The following BBS9 variants were observed in gnomAD, a reference collection of about 807,000 sequenced individuals.
The protein encoded by BBS9 is Bardet-Biedl syndrome 9.
Under a neutral mutation model 117.7 loss-of-function variants are expected in BBS9, and 89 were observed. That is an observed-to-expected ratio of 0.76 (90% CI 0.64 to 0.90). BBS9 has a LOEUF of 0.90. BBS9 is among the 40% of genes least tolerant of loss of function. BBS9 has a pLI of 0.00. For missense variants in BBS9, 982 were observed against 1,042.2 expected (o/e 0.94, Z 0.80); for synonymous variants, 379 against 370.9 (o/e 1.02, Z -0.25).
At chr7:33,407,803 T>C (rs1262997752) in intron 19 of BBS9, among the ~76,000 whole-genome samples, 1 of 152,180 alleles carries the variant, frequency 6.6e-6, no homozygotes, top group Admixed American at 6.5e-5. Context: ...AAGTTTTGTC[T>C]CAGAGGAGTA....
chr7:33,329,414 T>A (rs59674649), intron 9 of BBS9, among the ~76,000 whole-genome samples: 1 of 152,094 alleles, frequency 6.6e-6, no homozygotes, highest in Admixed American at 6.6e-5. Flanking sequence ...TAGGTATTTT[T>A]CCTAATTCAT....
chr7:33,545,994 C>T (rs954608983), intron 21 of BBS9, among the ~76,000 whole-genome samples: 8 of 118,172 alleles, frequency 6.8e-5, no homozygotes, highest in East Asian at 2.8e-4. Context: ...AGTGCAGTAG[C>T]GTGATTTTGG....
At chr7:33,271,386 C>T (rs1299707664) in intron 7 of BBS9, among the ~76,000 whole-genome samples, 1 of 152,120 alleles carries the variant, frequency 6.6e-6, no homozygotes, top group East Asian at 1.9e-4. Flanking sequence ...TGAATGTAAA[C>T]AGGCTAAATG....
chr7:33,230,800 T>C (rs1433750489), intron 5 of BBS9, among the ~76,000 whole-genome samples: 4 of 152,216 alleles, frequency 2.6e-5, no homozygotes, highest in African/African-American at 9.6e-5. Flanking sequence ...TATAGCACAT[T>C]TTCTTTATCC....
At chr7:33,606,967 A>G (rs1015505644), downstream of BBS9, among the ~76,000 whole-genome samples, 1 of 152,036 alleles carries the variant, frequency 6.6e-6, no homozygotes, top group African/African-American at 2.4e-5. Flanking sequence ...ATATAGTCCC[A>G]CTGTCTCCTC....
At chr7:33,290,532 A>G (rs1803820962) in intron 9 of BBS9, among the ~76,000 whole-genome samples, 1 of 152,200 alleles carries the variant, frequency 6.6e-6, no homozygotes, top group African/African-American at 2.4e-5. Context: ...CATCACTGCA[A>G]CTACTGCAGC....
chr7:33,565,831 C>CCATATATA (rs1563370308), intron 21 of BBS9, among the ~76,000 whole-genome samples: 2 of 28,452 alleles, frequency 7.0e-5, no homozygotes, highest in African/African-American at 9.8e-4. Flanking sequence ...ATATATACCG[C>CCATATATA]TATATATACT....
At chr7:33,162,142 ATAT>A (rs1562706170) in intron 4 of BBS9, among the ~76,000 whole-genome samples, 1 of 151,938 alleles carries the variant, frequency 6.6e-6, no homozygotes, top group African/African-American at 2.4e-5. Flanking sequence ...GTCCTGAATG[ATAT>A]TGCCTAGGTT....
intron 5 of BBS9, among the ~76,000 whole-genome samples, chr7:33,179,502 G>A (rs906354519): frequency 1.3e-5 from 2 of 152,106 alleles, no homozygotes; most frequent in Non-Finnish European, 2.9e-5. Flanking sequence ...TGTGAACTGT[G>A]CATGCAAGGG....
chr7:33,434,685 C>A (rs568164497), intron 19 of BBS9, among the ~76,000 whole-genome samples: 57 of 152,078 alleles, frequency 3.7e-4, no homozygotes, highest in Non-Finnish European at 6.5e-4. Context: ...TTCATAGAAC[C>A]ATTTAGTGAC....
intron 9 of BBS9, among the ~76,000 whole-genome samples, chr7:33,282,001 G>T (rs943483124): frequency 1.3e-5 from 2 of 151,690 alleles, no homozygotes; most frequent in African/African-American, 2.4e-5. Flanking sequence ...AATTTGTAGA[G>T]ATAGGATCTC....
At chr7:33,358,612 G>A (rs1820068868) in intron 16 of BBS9, among the ~76,000 whole-genome samples, 1 of 151,820 alleles carries the variant, frequency 6.6e-6, no homozygotes, top group Admixed American at 6.6e-5. Context: ...TTTCTGAGTG[G>A]CTTAGAAACT....
intron 21 of BBS9, among the ~76,000 whole-genome samples, chr7:33,635,004 C>G (rs1289246743): frequency 2.6e-5 from 4 of 152,214 alleles, no homozygotes; most frequent in Admixed American, 1.3e-4. Flanking sequence ...CCCACACTCG[C>G]AGTGGCTCTC....
chr7:33,309,904 G>GA (rs2128549352), intron 9 of BBS9, among the ~76,000 whole-genome samples: 1 of 152,262 alleles, frequency 6.6e-6, no homozygotes, highest in East Asian at 1.9e-4. Context: ...AATATTTAGG[G>GA]ATTCTCATAA....
chr7:33,569,828 A>C (rs1857502582), intron 21 of BBS9, among the ~76,000 whole-genome samples: 1 of 152,218 alleles, frequency 6.6e-6, no homozygotes, highest in Admixed American at 6.5e-5. Flanking sequence ...GCACATGCAT[A>C]CATAATACAT....
chr7:33,349,201 C>A, intron 13 of BBS9, 31 bp downstream of exon 13: 1 of 1,494,028 alleles, frequency 6.7e-7, no homozygotes, highest in Non-Finnish European at 9.3e-7. Flanking sequence ...GAAAGTCTAC[C>A]ATGGTGTGAA....
chr7:33,330,684 C>T (rs77117708), intron 9 of BBS9, among the ~76,000 whole-genome samples: 1 of 152,040 alleles, frequency 6.6e-6, no homozygotes, highest in Non-Finnish European at 1.5e-5. Flanking sequence ...TTTACAGATT[C>T]CTGAGCAAAA....
At chr7:33,522,958 C>T (rs1333587291) in intron 20 of BBS9, among the ~76,000 whole-genome samples, 23 of 147,678 alleles carry the variant, frequency 1.6e-4, no homozygotes, top group African/African-American at 5.5e-4. Flanking sequence ...TTTCAGCTTT[C>T]TACATATGGC....
At chr7:33,234,630 T>A (rs1793127216) in intron 5 of BBS9, among the ~76,000 whole-genome samples, 1 of 152,108 alleles carries the variant, frequency 6.6e-6, no homozygotes, top group Admixed American at 6.6e-5. Context: ...AATCTATTTA[T>A]CATCTATCAT....
Sources: gnomAD v4.1 joint callset for allele counts (sites outside exome capture counted in the v4.1 genomes callset) on GRCh38, gnomAD v4.1.1 for gene constraint, MANE v1.5 for transcripts, NCBI Gene and HGNC (gene_info 2026-07-23, HGNC 2026-07-21) for gene names.